Variants in TMEM38B observed in about 807,000 individuals in gnomAD.
TMEM38B encodes the protein transmembrane protein 38B.
Under a neutral mutation model 28.7 loss-of-function variants are expected in TMEM38B, and 24 were observed. The ratio of observed to expected loss-of-function variants is 0.84; its 90% confidence interval spans 0.61 to 1.18. TMEM38B has a LOEUF of 1.18. Ranked by LOEUF, TMEM38B falls within the 50% of genes most tolerant of loss-of-function variation. The pLI is 0.00. For missense variants in TMEM38B, 380 were observed against 350.9 expected (o/e 1.08, Z -0.66); for synonymous variants, 131 against 127.7 (o/e 1.03, Z -0.17).
intron 1 of TMEM38B, 30 bp downstream of exon 1, chr9:105,694,802 C>G: frequency 2.3e-6 from 3 of 1,325,410 alleles, no homozygotes; most frequent in Middle Eastern, 2.6e-4. Context: ...GGCCGGACCC[C>G]TCAGAGTGCT....
intron 1 of TMEM38B, among the ~76,000 whole-genome samples, chr9:105,698,338 AG>A (rs1336084693): frequency 2.0e-5 from 3 of 152,226 alleles, no homozygotes; most frequent in African/African-American, 7.2e-5. Context: ...TTTTCTCAAG[AG>A]TGATGTTTGC....
At chr9:105,773,786 T>A in intron 5 of TMEM38B, 79 bp from the exon 6 acceptor site, 8 of 1,411,936 alleles carry the variant, frequency 5.7e-6, no homozygotes, top group Non-Finnish European at 7.8e-6. Flanking sequence ...GCATTTTGAT[T>A]TTTTTTCCTT....
chr9:105,716,621 A>AC (rs879607774), intron 2 of TMEM38B, among the ~76,000 whole-genome samples: 27,340 of 151,854 alleles, frequency 0.18, 3,528 homozygotes, highest in East Asian at 0.46. Flanking sequence ...GAACAACATG[A>AC]ATTTGAACTG....
intron 4 of TMEM38B, among the ~76,000 whole-genome samples, chr9:105,741,177 C>G (rs1016234260): frequency 6.6e-6 from 1 of 152,200 alleles, no homozygotes; most frequent in Non-Finnish European, 1.5e-5. Context: ...AATGGATTCT[C>G]TCCTACTGAC....
chr9:105,730,153 G>C (rs1398490312), intron 4 of TMEM38B, among the ~76,000 whole-genome samples: 1 of 152,096 alleles, frequency 6.6e-6, no homozygotes, highest in Non-Finnish European at 1.5e-5. Flanking sequence ...CTTGTCTTGT[G>C]CCGGTTTTCA....
intron 4 of TMEM38B, among the ~76,000 whole-genome samples, chr9:105,724,849 C>A (rs6477455): frequency 0.18 from 27,204 of 151,996 alleles, 3,460 homozygotes; most frequent in East Asian, 0.47. Context: ...CTTGAAACAC[C>A]TTCCATAAAA....
intron 4 of TMEM38B, among the ~76,000 whole-genome samples, chr9:105,734,525 A>G (rs1337831782): frequency 2.0e-5 from 3 of 151,930 alleles, no homozygotes; most frequent in East Asian, 3.9e-4. Flanking sequence ...TATGTGTTGA[A>G]AGTGAGGTAT....
intron 4 of TMEM38B, among the ~76,000 whole-genome samples, chr9:105,731,316 A>ATTG (rs1361698667): frequency 6.6e-6 from 1 of 151,066 alleles, no homozygotes; most frequent in African/African-American, 2.4e-5. Context: ...TATTATTATT[A>ATTG]TTATTATACT....
intron 5 of TMEM38B, among the ~76,000 whole-genome samples, chr9:105,772,484 A>G (rs1367091066): frequency 6.6e-6 from 1 of 152,058 alleles, no homozygotes; most frequent in Non-Finnish European, 1.5e-5. Flanking sequence ...CACTTTATTC[A>G]GCTTTTTTTC....
At chr9:105,706,019 A>G (rs550480157) in intron 2 of TMEM38B, among the ~76,000 whole-genome samples, 1 of 151,104 alleles carries the variant, frequency 6.6e-6, no homozygotes, top group Non-Finnish European at 1.5e-5. Context: ...TTCTGCCTCA[A>G]CCTCTGGAGT....
intron 1 of TMEM38B, among the ~76,000 whole-genome samples, chr9:105,699,773 A>C (rs1409869696): frequency 6.6e-6 from 1 of 152,152 alleles, no homozygotes; most frequent in Admixed American, 6.5e-5. Flanking sequence ...CAAACATGTG[A>C]ATCCTCCTGA....
At chr9:105,765,852 A>C (rs1227623438) in intron 5 of TMEM38B, among the ~76,000 whole-genome samples, 2 of 151,712 alleles carry the variant, frequency 1.3e-5, no homozygotes, top group Non-Finnish European at 2.9e-5. Context: ...CCCAGGCTGG[A>C]GTGCAGTGGT....
chr9:105,695,441 C>T (rs1449285898), intron 1 of TMEM38B, among the ~76,000 whole-genome samples: 2 of 152,210 alleles, frequency 1.3e-5, no homozygotes, highest in Non-Finnish European at 2.9e-5. Flanking sequence ...GCAAGAGTTA[C>T]CTGGCGTAGT....
chr9:105,712,272 A>G (rs564444891), intron 2 of TMEM38B, among the ~76,000 whole-genome samples: 1 of 152,320 alleles, frequency 6.6e-6, no homozygotes, highest in East Asian at 1.9e-4. Context: ...CTTTTATGGT[A>G]ATCACTTTTT....
intron 5 of TMEM38B, chr9:105,759,317 T>C: frequency 2.2e-6 from 2 of 920,402 alleles, no homozygotes; most frequent in Non-Finnish European, 3.5e-6. Context: ...AAAAATTCCT[T>C]CACAATTTGA....
At chr9:105,748,266 G>A in intron 5 of TMEM38B, 76 bp downstream of exon 5, 2 of 1,006,534 alleles carry the variant, frequency 2.0e-6, no homozygotes, top group Non-Finnish European at 3.0e-6. Flanking sequence ...TGCATGCTGG[G>A]CAAGTAAGAG....
intron 4 of TMEM38B, among the ~76,000 whole-genome samples, chr9:105,747,085 C>A (rs1837431500): frequency 6.6e-6 from 1 of 152,156 alleles, no homozygotes; most frequent in Admixed American, 6.5e-5. Flanking sequence ...ATGATGCTGG[C>A]CTCATAAAAT....
chr9:105,708,858 T>C (rs1835781625), intron 2 of TMEM38B, among the ~76,000 whole-genome samples: 1 of 151,972 alleles, frequency 6.6e-6, no homozygotes, highest in African/African-American at 2.4e-5. Context: ...CTGTTGATTT[T>C]TTTTTTTATG....
At chr9:105,762,813 G>C (rs1446838967) in intron 5 of TMEM38B, among the ~76,000 whole-genome samples, 1 of 150,026 alleles carries the variant, frequency 6.7e-6, no homozygotes, top group Non-Finnish European at 1.5e-5. Context: ...TCTAATTCTA[G>C]ATCCCTGAGG....
Sources: gnomAD v4.1 joint callset for allele counts (sites outside exome capture counted in the v4.1 genomes callset) on GRCh38, gnomAD v4.1.1 for gene constraint, MANE v1.5 for transcripts, NCBI Gene and HGNC (gene_info 2026-07-23, HGNC 2026-07-21) for gene names.